MAF: variants seen among roughly 807,000 people sequenced by gnomAD.
The protein encoded by MAF is MAF bZIP transcription factor, also known as transcription factor Maf.
MAF carries 10 observed loss-of-function variants against 22.0 expected under a neutral mutation model. That is an observed-to-expected ratio of 0.45 (90% CI 0.28 to 0.77). MAF has a LOEUF of 0.77. Among genes scored for constraint, MAF ranks in the 30% least tolerant of loss-of-function variants. The pLI, the probability that MAF is intolerant of heterozygous loss-of-function variation, is 0.12. For missense variants in MAF, 544 were observed against 548.4 expected, an observed-to-expected ratio of 0.99 and a Z score of 0.08; for synonymous variants, 337 against 255.8, an observed-to-expected ratio of 1.32 and a Z score of -3.03.
the MAF span, among the ~76,000 whole-genome samples, chr16:79,342,269 A>G: frequency 6.6e-6 from 1 of 152,134 alleles, no homozygotes; most frequent in Non-Finnish European, 1.5e-5. Context: ...AATCTGCTCT[A>G]CAAGTGCCCC....
the MAF span, among the ~76,000 whole-genome samples, chr16:79,276,845 A>C: frequency 1.3e-5 from 2 of 152,034 alleles, no homozygotes; most frequent in African/African-American, 2.4e-5. Context: ...TCTAAAATCG[A>C]GGTGTCGGCA....
At chr16:79,531,724 G>A in the MAF span, among the ~76,000 whole-genome samples, 3 of 152,140 alleles carry the variant, frequency 2.0e-5, no homozygotes, top group African/African-American at 7.2e-5. Flanking sequence ...TGTGAATGAT[G>A]GGGAGTGGCT....
At chr16:79,404,099 G>A in the MAF span, among the ~76,000 whole-genome samples, 1 of 151,402 alleles carries the variant, frequency 6.6e-6, no homozygotes, top group Admixed American at 6.6e-5. Flanking sequence ...TTTTTAACCA[G>A]AACCTACCAG....
the MAF span, among the ~76,000 whole-genome samples, chr16:79,257,368 A>G: frequency 1.3e-5 from 2 of 152,192 alleles, no homozygotes; most frequent in African/African-American, 2.4e-5. Context: ...TTATAACCCT[A>G]AAATTGTTTC....
chr16:79,394,020 C>T, the MAF span, among the ~76,000 whole-genome samples: 7 of 152,136 alleles, frequency 4.6e-5, no homozygotes, highest in African/African-American at 1.7e-4. Flanking sequence ...TGCAAAGCAC[C>T]CTATTTCACA....
At chr16:79,309,555 G>C in the MAF span, among the ~76,000 whole-genome samples, 2 of 152,154 alleles carry the variant, frequency 1.3e-5, no homozygotes, top group African/African-American at 4.8e-5. Context: ...ATTTTATCTG[G>C]ACAAATATTT....
the MAF span, among the ~76,000 whole-genome samples, chr16:79,315,756 C>T: frequency 1.3e-5 from 2 of 152,214 alleles, no homozygotes; most frequent in African/African-American, 4.8e-5. Flanking sequence ...TTATTGAGAG[C>T]AGGAATTAAA....
At chr16:79,393,046 T>TGTCTGG in the MAF span, among the ~76,000 whole-genome samples, 1 of 152,222 alleles carries the variant, frequency 6.6e-6, no homozygotes, top group Non-Finnish European at 1.5e-5. Context: ...CCAGGACCAC[T>TGTCTGG]GTCTGGGCCC....
At chr16:79,581,246 C>A (rs1339103673), downstream of MAF, among the ~76,000 whole-genome samples, 1 of 151,896 alleles carries the variant, frequency 6.6e-6, no homozygotes, top group Non-Finnish European at 1.5e-5. Context: ...AGTAAGAGAC[C>A]CTCATGTTCG....
the MAF span, among the ~76,000 whole-genome samples, chr16:79,324,914 C>T: frequency 6.6e-6 from 1 of 152,116 alleles, no homozygotes; most frequent in Non-Finnish European, 1.5e-5. Context: ...AGTATCTGCT[C>T]TTGCCTCTTT....
At chr16:79,582,493 G>A (rs755912805), downstream of MAF, among the ~76,000 whole-genome samples, 1 of 152,106 alleles carries the variant, frequency 6.6e-6, no homozygotes, top group African/African-American at 2.4e-5. Context: ...AAGTTTATAT[G>A]GCATAATTAG....
At chr16:79,487,340 C>A in the MAF span, among the ~76,000 whole-genome samples, 2 of 152,018 alleles carry the variant, frequency 1.3e-5, no homozygotes, top group Non-Finnish European at 2.9e-5. Flanking sequence ...CCTGAGGGAG[C>A]CCTCTTGGGT....
At chr16:79,455,015 G>T in the MAF span, among the ~76,000 whole-genome samples, 68 of 151,970 alleles carry the variant, frequency 4.5e-4, no homozygotes, top group African/African-American at 1.6e-3. Context: ...AGAATCACTT[G>T]GACCCGGGAG....
the MAF span, chr16:79,211,536 G>A: frequency 4.4e-6 from 7 of 1,599,460 alleles, no homozygotes; most frequent in Non-Finnish European, 6.0e-6. Flanking sequence ...TAATGCCCAG[G>A]CAGTCGAAAT....
the MAF span, among the ~76,000 whole-genome samples, chr16:79,397,243 G>T: frequency 6.6e-6 from 1 of 152,186 alleles, no homozygotes; most frequent in African/African-American, 2.4e-5. Context: ...CATGCACTGA[G>T]TCTTTACCGT....
the MAF span, among the ~76,000 whole-genome samples, chr16:79,232,101 G>C: frequency 6.6e-6 from 1 of 152,042 alleles, no homozygotes; most frequent in Non-Finnish European, 1.5e-5. Context: ...TGCAATTACA[G>C]ATGAAGTTTT....
chr16:79,207,760 A>G, the MAF span, among the ~76,000 whole-genome samples: 1 of 151,226 alleles, frequency 6.6e-6, no homozygotes, highest in Non-Finnish European at 1.5e-5. Flanking sequence ...GTACTAACCA[A>G]TGCATTACAA....
the MAF span, among the ~76,000 whole-genome samples, chr16:79,392,922 G>A: frequency 1.3e-5 from 2 of 152,176 alleles, no homozygotes; most frequent in South Asian, 4.1e-4. Flanking sequence ...CTGAGCAAAT[G>A]GAGACACCCC....
the MAF span, among the ~76,000 whole-genome samples, chr16:79,559,999 G>A: frequency 6.6e-6 from 1 of 152,170 alleles, no homozygotes; most frequent in African/African-American, 2.4e-5. Flanking sequence ...GAACCTCTGG[G>A]GCTCAAGCAA....
Sources: allele counts gnomAD v4.1 joint callset (sites outside exome capture counted in the v4.1 genomes callset), GRCh38; gene constraint gnomAD v4.1.1; transcripts MANE v1.5; gene names NCBI Gene and HGNC (gene_info 2026-07-23, HGNC 2026-07-21).